ZFPM2: variants seen among roughly 807,000 people sequenced by gnomAD.
ZFPM2 encodes zinc finger protein, FOG family member 2.
ZFPM2 carries 20 observed loss-of-function variants against 98.6 expected under a neutral mutation model. The observed-to-expected ratio is 0.20, with a 90% CI of 0.14 to 0.29. The LOEUF (loss-of-function observed/expected upper bound fraction) is 0.29. Ranked by LOEUF, ZFPM2 falls within the 10% of genes least tolerant of loss-of-function variation. The probability of loss-of-function intolerance (pLI) is 1.00; values close to 1 mark genes in which losing one functional copy is unlikely to be tolerated. For synonymous variants in ZFPM2, 518 were observed against 502.7 expected (o/e 1.03, Z -0.41); for missense variants, 1,310 against 1,388.6 (o/e 0.94, Z 0.90).
At chr8:105,631,258 G>A (rs1354071955) in intron 4 of ZFPM2, among the ~76,000 whole-genome samples, 7 of 152,042 alleles carry the variant, frequency 4.6e-5, no homozygotes, top group Non-Finnish European at 1.0e-4. Flanking sequence ...AATACATCAA[G>A]GTCTTTTAAA....
intron 4 of ZFPM2, among the ~76,000 whole-genome samples, chr8:105,581,650 G>A (rs551802880): frequency 5.9e-5 from 9 of 152,076 alleles, no homozygotes; most frequent in African/African-American, 2.2e-4. Flanking sequence ...ATAATAAAAC[G>A]GCAATTTTCC....
At chr8:105,365,614 A>T (rs1810490838) in intron 1 of ZFPM2, among the ~76,000 whole-genome samples, 3 of 152,160 alleles carry the variant, frequency 2.0e-5, no homozygotes, top group Admixed American at 6.6e-5. Context: ...AGTTAGCATC[A>T]GTGGTTTTTG....
At chr8:105,331,942 C>A (rs971414029) in intron 1 of ZFPM2, among the ~76,000 whole-genome samples, 2 of 151,706 alleles carry the variant, frequency 1.3e-5, no homozygotes, top group Admixed American at 6.6e-5. Flanking sequence ...CAAATTAATA[C>A]CTAAACTTTT....
chr8:105,704,264 A>T (rs557881838), intron 5 of ZFPM2, among the ~76,000 whole-genome samples: 2 of 152,150 alleles, frequency 1.3e-5, no homozygotes, highest in Non-Finnish European at 2.9e-5. Context: ...CCCTTTACAT[A>T]TATTGGACTA....
intron 1 of ZFPM2, among the ~76,000 whole-genome samples, chr8:105,343,985 A>G (rs1812474063): frequency 6.6e-6 from 1 of 152,166 alleles, no homozygotes. Flanking sequence ...CCTCACAATC[A>G]TGGCAGAAGA....
At chr8:105,715,922 A>G (rs62525683) in intron 5 of ZFPM2, among the ~76,000 whole-genome samples, 2,521 of 152,158 alleles carry the variant, frequency 0.017, 34 homozygotes, top group Middle Eastern at 0.034. Context: ...GGAGTGTCTA[A>G]TATGAGAAAC....
At chr8:105,796,240 A>AATT (rs1752979975) in intron 6 of ZFPM2, among the ~76,000 whole-genome samples, 1 of 130,172 alleles carries the variant, frequency 7.7e-6, no homozygotes, top group Admixed American at 7.3e-5. Flanking sequence ...GAGGCAAAAG[A>AATT]ATTTTATTGC....
At chr8:105,545,372 T>C (rs1317521966) in intron 3 of ZFPM2, among the ~76,000 whole-genome samples, 2 of 152,140 alleles carry the variant, frequency 1.3e-5, no homozygotes, top group Non-Finnish European at 2.9e-5. Context: ...CCATCTCTCA[T>C]GTAAGTTGGT....
intron 5 of ZFPM2, among the ~76,000 whole-genome samples, chr8:105,772,592 G>T (rs1813005057): frequency 6.6e-6 from 1 of 152,108 alleles, no homozygotes; most frequent in Non-Finnish European, 1.5e-5. Flanking sequence ...CAAACCTGTT[G>T]TTGTTTTCCT....
chr8:105,651,203 C>G (rs1258262236), intron 5 of ZFPM2, among the ~76,000 whole-genome samples: 2 of 152,072 alleles, frequency 1.3e-5, no homozygotes, highest in African/African-American at 2.4e-5. Flanking sequence ...TTTCCTTTGA[C>G]TACCTCATTT....
chr8:105,392,303 C>T (rs1357914156), intron 1 of ZFPM2, among the ~76,000 whole-genome samples: 6 of 152,148 alleles, frequency 3.9e-5, no homozygotes, highest in Non-Finnish European at 8.8e-5. Context: ...GAATTAAAGT[C>T]AGTGCTTTTA....
intron 5 of ZFPM2, among the ~76,000 whole-genome samples, chr8:105,783,210 GTTTTTTT>G (rs753557703): frequency 6.7e-5 from 6 of 88,944 alleles, no homozygotes; most frequent in Admixed American, 1.3e-4. Context: ...TTTCTTTATG[GTTTTTTT>G]TTTTTTTTTT....
At chr8:105,564,941 C>T (rs1815213016) in intron 4 of ZFPM2, among the ~76,000 whole-genome samples, 2 of 151,968 alleles carry the variant, frequency 1.3e-5, no homozygotes, top group South Asian at 4.2e-4. Flanking sequence ...ATAAATATTC[C>T]TTATAATAAA....
intron 1 of ZFPM2, among the ~76,000 whole-genome samples, chr8:105,417,806 A>G (rs1811708536): frequency 6.6e-6 from 1 of 152,180 alleles, no homozygotes; most frequent in South Asian, 2.1e-4. Flanking sequence ...TGGAATGTAT[A>G]ATAAAACACG....
chr8:105,605,148 T>G (rs1037404111), intron 4 of ZFPM2, among the ~76,000 whole-genome samples: 1 of 152,090 alleles, frequency 6.6e-6, no homozygotes, highest in Non-Finnish European at 1.5e-5. Flanking sequence ...AAAATCTGTT[T>G]GGCTTTTACA....
At chr8:105,748,908 G>A (rs1429165942) in intron 5 of ZFPM2, among the ~76,000 whole-genome samples, 1 of 151,898 alleles carries the variant, frequency 6.6e-6, no homozygotes, top group Non-Finnish European at 1.5e-5. Flanking sequence ...ATGTTTAATG[G>A]GATGAACCTA....
At chr8:105,640,877 C>T (rs1458588319) in intron 5 of ZFPM2, among the ~76,000 whole-genome samples, 4 of 151,890 alleles carry the variant, frequency 2.6e-5, no homozygotes, top group South Asian at 2.1e-4. Context: ...TCATATTTTA[C>T]GCATTTATTT....
chr8:105,485,289 GTTTT>G (rs960872544), intron 3 of ZFPM2, among the ~76,000 whole-genome samples: 1 of 150,714 alleles, frequency 6.6e-6, no homozygotes, highest in Non-Finnish European at 1.5e-5. Flanking sequence ...GTTACTGCTT[GTTTT>G]TTTTTGTTTG....
chr8:105,393,337 C>CTTTTCTTT (rs1554600680), intron 1 of ZFPM2, among the ~76,000 whole-genome samples: 1 of 114,776 alleles, frequency 8.7e-6, no homozygotes, highest in South Asian at 3.3e-4. Context: ...TCTCTCTTTG[C>CTTTTCTTT]CTTTCTTTCT....
Sources: allele counts gnomAD v4.1 joint callset (sites outside exome capture counted in the v4.1 genomes callset), GRCh38; gene constraint gnomAD v4.1.1; transcripts MANE v1.5; gene names NCBI Gene and HGNC (gene_info 2026-07-23, HGNC 2026-07-21).